MAML3: variants seen among roughly 807,000 people sequenced by gnomAD.
The protein encoded by MAML3 is mastermind-like protein 3.
MAML3 carries 27 observed loss-of-function variants against 101.9 expected under a neutral mutation model. That is an observed-to-expected ratio of 0.27 (90% CI 0.20 to 0.37). The LOEUF (loss-of-function observed/expected upper bound fraction) is 0.37, where lower values mean the gene tolerates loss of function less well. MAML3 is among the 10% of genes least tolerant of loss of function. The probability of loss-of-function intolerance (pLI) is 1.00; values close to 1 mark genes in which losing one functional copy is unlikely to be tolerated. For synonymous variants in MAML3, 501 were observed against 555.9 expected (o/e 0.90, Z 1.39); for missense variants, 1,316 against 1,444.9 (o/e 0.91, Z 1.45).
chr4:139,990,167 T>C (rs539131000), intron 1 of MAML3, among the ~76,000 whole-genome samples: 62 of 152,296 alleles, frequency 4.1e-4, no homozygotes, highest in African/African-American at 1.4e-3. Context: ...GAGAAATCTT[T>C]ACATTTACTT....
intron 2 of MAML3, among the ~76,000 whole-genome samples, chr4:139,870,328 A>G (rs1352857320): frequency 1.3e-5 from 2 of 151,536 alleles, no homozygotes; most frequent in Non-Finnish European, 2.9e-5. Context: ...CCAAGTTGTG[A>G]CAACCAAAAC....
chr4:139,724,300 C>G (rs1277912655), intron 4 of MAML3, among the ~76,000 whole-genome samples: 1 of 152,188 alleles, frequency 6.6e-6, no homozygotes, highest in South Asian at 2.1e-4. Flanking sequence ...GCTCACAGTT[C>G]ATGATCTAGG....
At chr4:139,966,011 T>A (rs1734123816) in intron 1 of MAML3, among the ~76,000 whole-genome samples, 1 of 152,210 alleles carries the variant, frequency 6.6e-6, no homozygotes, top group African/African-American at 2.4e-5. Context: ...ATTTGCATCA[T>A]AACTATACTT....
chr4:139,970,397 T>G (rs1283156382), intron 1 of MAML3, among the ~76,000 whole-genome samples: 1 of 152,102 alleles, frequency 6.6e-6, no homozygotes, highest in Non-Finnish European at 1.5e-5. Flanking sequence ...TGTGGAGGAC[T>G]ATGGTGACAG....
intron 1 of MAML3, among the ~76,000 whole-genome samples, chr4:139,961,006 A>T (rs553138560): frequency 6.6e-6 from 1 of 152,300 alleles, no homozygotes; most frequent in South Asian, 2.1e-4. Context: ...TGTTGGGTGC[A>T]TGGAGCCTTC....
chr4:139,898,468 G>A (rs1045885732), intron 1 of MAML3, among the ~76,000 whole-genome samples: 4 of 152,158 alleles, frequency 2.6e-5, no homozygotes, highest in Admixed American at 2.0e-4. Flanking sequence ...AACCCCAAAC[G>A]CTGCTTATTT....
chr4:140,050,752 C>T (rs1302645727), intron 1 of MAML3, among the ~76,000 whole-genome samples: 2 of 152,168 alleles, frequency 1.3e-5, no homozygotes, highest in Non-Finnish European at 2.9e-5. Context: ...GACCAACTCT[C>T]GCAGCGATTC....
At chr4:140,099,834 G>A (rs1434143418) in intron 1 of MAML3, among the ~76,000 whole-genome samples, 1 of 152,052 alleles carries the variant, frequency 6.6e-6, no homozygotes, top group Non-Finnish European at 1.5e-5. Flanking sequence ...CTCTCCGACA[G>A]GGTTTTCAGC....
At chr4:139,745,974 T>C (rs2111031593) in intron 2 of MAML3, among the ~76,000 whole-genome samples, 1 of 152,364 alleles carries the variant, frequency 6.6e-6, no homozygotes, top group Non-Finnish European at 1.5e-5. Context: ...AACTTTCTCC[T>C]GCTACTAAAT....
intron 1 of MAML3, among the ~76,000 whole-genome samples, chr4:139,977,942 A>G: frequency 6.6e-6 from 1 of 152,156 alleles, no homozygotes; most frequent in South Asian, 2.1e-4. Context: ...CTGTTCCTAC[A>G]CAGAAATTAC....
At chr4:139,942,830 T>C (rs1009828921) in intron 1 of MAML3, among the ~76,000 whole-genome samples, 16 of 152,178 alleles carry the variant, frequency 1.1e-4, no homozygotes, top group African/African-American at 3.1e-4. Flanking sequence ...ATAAAGCAGA[T>C]ATCTGTGAAA....
intron 2 of MAML3, among the ~76,000 whole-genome samples, chr4:139,815,974 T>C (rs1730885759): frequency 6.6e-6 from 1 of 152,162 alleles, no homozygotes; most frequent in Non-Finnish European, 1.5e-5. Flanking sequence ...TTGTGTCGAA[T>C]GGTAGAAATA....
chr4:139,947,716 C>T (rs114273068), intron 1 of MAML3, among the ~76,000 whole-genome samples: 1 of 152,106 alleles, frequency 6.6e-6, no homozygotes, highest in African/African-American at 2.4e-5. Context: ...TCTCTCTATG[C>T]CTCAGTTTCG....
At chr4:140,095,589 T>C (rs1333159215) in intron 1 of MAML3, among the ~76,000 whole-genome samples, 1 of 152,022 alleles carries the variant, frequency 6.6e-6, no homozygotes, top group Non-Finnish European at 1.5e-5. Flanking sequence ...AAATCCATCC[T>C]CCTCACTGCC....
chr4:139,830,208 G>A (rs770633571), intron 2 of MAML3, among the ~76,000 whole-genome samples: 10 of 152,130 alleles, frequency 6.6e-5, no homozygotes, highest in Non-Finnish European at 1.5e-5. Flanking sequence ...AAAGAGTTTT[G>A]GAGGAGACTC....
At chr4:139,942,041 AGGAGAGTCACTTGAACC>A (rs1251796144) in intron 1 of MAML3, among the ~76,000 whole-genome samples, 3 of 152,152 alleles carry the variant, frequency 2.0e-5, no homozygotes, top group Non-Finnish European at 4.4e-5. Flanking sequence ...AGGCTGAGGC[AGGAGAGTCACTTGAACC>A]GGGAGGCGGA....
intron 1 of MAML3, among the ~76,000 whole-genome samples, chr4:139,901,567 G>A (rs888535584): frequency 6.6e-6 from 1 of 152,122 alleles, no homozygotes; most frequent in African/African-American, 2.4e-5. Flanking sequence ...ATTTTATTTA[G>A]AGCTGTAAAG....
At chr4:139,936,350 A>G (rs1733505548) in intron 1 of MAML3, among the ~76,000 whole-genome samples, 1 of 152,194 alleles carries the variant, frequency 6.6e-6, no homozygotes, top group Non-Finnish European at 1.5e-5. Context: ...GCTGCAGTTA[A>G]CACAGGAGTG....
intron 2 of MAML3, among the ~76,000 whole-genome samples, chr4:139,816,364 CG>C (rs1395144245): frequency 1.3e-5 from 2 of 152,134 alleles, no homozygotes; most frequent in African/African-American, 4.8e-5. Flanking sequence ...GCAGTGCGGC[CG>C]ACCCTCTGGT....
Sources: gnomAD v4.1 joint callset for allele counts (sites outside exome capture counted in the v4.1 genomes callset) on GRCh38, gnomAD v4.1.1 for gene constraint, MANE v1.5 for transcripts, NCBI Gene and HGNC (gene_info 2026-07-23, HGNC 2026-07-21) for gene names.